CNTNAP2: variants seen among roughly 807,000 people sequenced by gnomAD.
CNTNAP2 encodes the protein contactin associated protein 2.
Under a neutral mutation model 155.2 loss-of-function variants are expected in CNTNAP2, and 98 were observed. The observed-to-expected ratio is 0.63, with a 90% CI of 0.54 to 0.75. The LOEUF (loss-of-function observed/expected upper bound fraction) is 0.75. Ranked by LOEUF, CNTNAP2 falls within the 30% of genes least tolerant of loss-of-function variation. The pLI, the probability that CNTNAP2 is intolerant of heterozygous loss-of-function variation, is 0.00. For missense variants in CNTNAP2, 1,727 were observed against 1,688.1 expected (o/e 1.02, Z -0.40); for synonymous variants, 651 against 631.2 (o/e 1.03, Z -0.47).
intron 1 of CNTNAP2, among the ~76,000 whole-genome samples, chr7:146,657,811 A>G (rs1302696953): frequency 2.0e-5 from 3 of 152,116 alleles, no homozygotes; most frequent in Non-Finnish European, 4.4e-5. Flanking sequence ...TTGTCAAAGA[A>G]ACCTTTTAGA....
intron 15 of CNTNAP2, among the ~76,000 whole-genome samples, chr7:148,110,141 G>A (rs1172532888): frequency 1.3e-5 from 2 of 151,832 alleles, no homozygotes; most frequent in Non-Finnish European, 2.9e-5. Flanking sequence ...CTTTGTATAA[G>A]GGCACTGCTT....
chr7:146,583,288 G>C (rs967317792), intron 1 of CNTNAP2, among the ~76,000 whole-genome samples: 1 of 151,966 alleles, frequency 6.6e-6, no homozygotes, highest in East Asian at 1.9e-4. Context: ...GAAAGAGAAC[G>C]TCTCATGAAA....
intron 18 of CNTNAP2, among the ~76,000 whole-genome samples, chr7:148,196,064 C>T (rs1003691119): frequency 7.9e-5 from 12 of 152,142 alleles, no homozygotes; most frequent in African/African-American, 1.2e-4. Context: ...GGTTGCTATT[C>T]GCAAACACTA....
intron 1 of CNTNAP2, among the ~76,000 whole-genome samples, chr7:146,412,654 T>C (rs1795882233): frequency 3.3e-5 from 5 of 152,192 alleles, no homozygotes; most frequent in Admixed American, 3.3e-4. Context: ...TTCTTTTCGG[T>C]GCATATTAAA....
chr7:146,633,612 A>G (rs1023323919), intron 1 of CNTNAP2, among the ~76,000 whole-genome samples: 5 of 152,050 alleles, frequency 3.3e-5, no homozygotes, highest in Non-Finnish European at 5.9e-5. Context: ...AAAAATGAAT[A>G]TAAAATATTG....
intron 1 of CNTNAP2, among the ~76,000 whole-genome samples, chr7:146,540,720 G>A (rs528150193): frequency 1.3e-5 from 2 of 152,070 alleles, no homozygotes; most frequent in Admixed American, 6.6e-5. Flanking sequence ...CAAACAATAC[G>A]GCATGCAGTA....
intron 13 of CNTNAP2, among the ~76,000 whole-genome samples, chr7:147,816,624 A>T (rs114513827): frequency 1.3e-5 from 2 of 152,140 alleles, no homozygotes; most frequent in Non-Finnish European, 2.9e-5. Flanking sequence ...TAAGGCACCA[A>T]CTACTTGCTC....
At chr7:146,246,888 C>T (rs961752023) in intron 1 of CNTNAP2, among the ~76,000 whole-genome samples, 9 of 152,138 alleles carry the variant, frequency 5.9e-5, no homozygotes, top group South Asian at 2.1e-4. Flanking sequence ...CTGGTCGCTG[C>T]GTTTCAGATG....
chr7:146,815,023 C>T (rs966323368), intron 2 of CNTNAP2, among the ~76,000 whole-genome samples: 11 of 151,998 alleles, frequency 7.2e-5, no homozygotes, highest in East Asian at 1.9e-4. Context: ...TTTCAGTTAT[C>T]GAACATGTAC....
At chr7:148,218,550 C>A (rs1004460427) in intron 19 of CNTNAP2, among the ~76,000 whole-genome samples, 6 of 152,076 alleles carry the variant, frequency 3.9e-5, no homozygotes, top group African/African-American at 1.4e-4. Flanking sequence ...TACCACCACT[C>A]CCAGCTAATT....
At chr7:147,037,429 G>A (rs1260709055) in intron 3 of CNTNAP2, among the ~76,000 whole-genome samples, 2 of 147,946 alleles carry the variant, frequency 1.4e-5, no homozygotes, top group Non-Finnish European at 3.0e-5. Context: ...CTAGGTATTC[G>A]ACATCCAGTT....
At chr7:147,871,722 T>C (rs960659476) in intron 13 of CNTNAP2, among the ~76,000 whole-genome samples, 1 of 151,392 alleles carries the variant, frequency 6.6e-6, no homozygotes, top group Admixed American at 6.6e-5. Context: ...ATTCCTGCCC[T>C]ATTACTCCTC....
At chr7:146,786,769 G>C (rs1802581534) in intron 2 of CNTNAP2, 1 of 152,170 alleles carries the variant, frequency 6.6e-6, no homozygotes, top group Admixed American at 6.5e-5. Flanking sequence ...TTCTTAGCAA[G>C]GTAAGGAATT....
chr7:146,747,603 C>G (rs569210215), intron 1 of CNTNAP2, among the ~76,000 whole-genome samples: 30 of 152,144 alleles, frequency 2.0e-4, no homozygotes, highest in African/African-American at 7.2e-4. Flanking sequence ...TTATTTTATA[C>G]GTTTAAACAG....
chr7:147,618,444 A>T (rs189936912), intron 12 of CNTNAP2, among the ~76,000 whole-genome samples: 18 of 152,130 alleles, frequency 1.2e-4, no homozygotes, highest in Non-Finnish European at 2.5e-4. Flanking sequence ...CTGATTAACA[A>T]ATTGCACATT....
intron 10 of CNTNAP2, among the ~76,000 whole-genome samples, chr7:147,436,898 G>T (rs1416928020): frequency 6.6e-6 from 1 of 152,002 alleles, no homozygotes; most frequent in African/African-American, 2.4e-5. Flanking sequence ...AACATTCCAG[G>T]GTTTTAAAAC....
chr7:146,871,131 A>G (rs1795296930), intron 3 of CNTNAP2, among the ~76,000 whole-genome samples: 2 of 152,196 alleles, frequency 1.3e-5, no homozygotes, highest in South Asian at 4.1e-4. Flanking sequence ...GAGTGATTTT[A>G]TGTATATGTG....
chr7:147,784,360 T>C (rs1162298802), intron 13 of CNTNAP2, among the ~76,000 whole-genome samples: 1 of 118,016 alleles, frequency 8.5e-6, no homozygotes, highest in Non-Finnish European at 1.8e-5. Flanking sequence ...ATTATCTTCA[T>C]AGCCCTCTAC....
chr7:146,362,489 C>T (rs1233008988), intron 1 of CNTNAP2, among the ~76,000 whole-genome samples: 1 of 152,068 alleles, frequency 6.6e-6, no homozygotes, highest in African/African-American at 2.4e-5. Context: ...CTGTGAATGG[C>T]AGAGTGGGGT....
Sources: allele counts gnomAD v4.1 joint callset (sites outside exome capture counted in the v4.1 genomes callset), GRCh38; gene constraint gnomAD v4.1.1; transcripts MANE v1.5; gene names NCBI Gene and HGNC (gene_info 2026-07-23, HGNC 2026-07-21).